Variants in CADM1 observed in about 807,000 individuals in gnomAD.
The protein encoded by CADM1 is TSLC-1.
In CADM1, 15 loss-of-function variants were observed where a neutral mutation model predicts 53.1. The ratio of observed to expected loss-of-function variants is 0.28; its 90% confidence interval spans 0.19 to 0.44. The LOEUF (loss-of-function observed/expected upper bound fraction) is 0.44, where lower values mean the gene tolerates loss of function less well. Ranked by LOEUF, CADM1 falls within the 20% of genes least tolerant of loss-of-function variation. CADM1 has a pLI of 1.00. For missense variants in CADM1, 434 were observed against 611.3 expected, an observed-to-expected ratio of 0.71 and a Z score of 3.06; for synonymous variants, 281 against 243.0, an observed-to-expected ratio of 1.16 and a Z score of -1.45.
chr11:115,311,788 T>C (rs187764074), intron 1 of CADM1, among the ~76,000 whole-genome samples: 5 of 152,212 alleles, frequency 3.3e-5, no homozygotes, highest in Admixed American at 6.6e-5. Context: ...CCAATATACA[T>C]GGTATCTGTA....
At chr11:115,220,247 C>T (rs1003665390) in intron 5 of CADM1, among the ~76,000 whole-genome samples, 1 of 152,080 alleles carries the variant, frequency 6.6e-6, no homozygotes, top group Admixed American at 6.6e-5. Flanking sequence ...ACATGCTCAA[C>T]TTCCATCAAT....
intron 1 of CADM1, among the ~76,000 whole-genome samples, chr11:115,419,508 A>C (rs912967870): frequency 6.6e-6 from 1 of 152,208 alleles, no homozygotes; most frequent in Non-Finnish European, 1.5e-5. Flanking sequence ...AGTTCAAACT[A>C]CATTTAACAA....
chr11:115,185,083 C>G (rs1939481905), intron 10 of CADM1, among the ~76,000 whole-genome samples: 1 of 152,218 alleles, frequency 6.6e-6, no homozygotes, highest in African/African-American at 2.4e-5. Context: ...ACGTACTTCA[C>G]AGGGTCACTT....
intron 1 of CADM1, among the ~76,000 whole-genome samples, chr11:115,443,818 G>A (rs1239375945): frequency 6.6e-6 from 1 of 152,146 alleles, no homozygotes; most frequent in Non-Finnish European, 1.5e-5. Flanking sequence ...CAAATTACTG[G>A]GGAACATGAA....
At chr11:115,278,491 T>C (rs1254258274) in intron 1 of CADM1, among the ~76,000 whole-genome samples, 1 of 152,154 alleles carries the variant, frequency 6.6e-6, no homozygotes, top group African/African-American at 2.4e-5. Flanking sequence ...AGAAGGGCCT[T>C]ATTTTGTCAT....
In CADM1 at chr11:115,364,556, G is replaced by GAAA. The variant is rs34213884; in HGVS notation, c.125-124139_125-124137dup. On this transcript the variant is annotated intron_variant, in intron 1 of 11. Transcript: ENST00000331581. ...GGGGGAAAATATAAAGCACTAGGAA[G>GAAA]AAAAAAAAAAGCCTTTTTGTTTAAC... Among the ~76,000 whole-genome samples the GAAA allele has an allele frequency of 3.3e-4, 49 of 149,782 alleles. No homozygotes were observed. In the South Asian group the frequency reaches 5.7e-3, roughly 17 times the overall value.
intron 1 of CADM1, among the ~76,000 whole-genome samples, chr11:115,412,520 T>A (rs1237874134): frequency 6.6e-6 from 1 of 152,190 alleles, no homozygotes; most frequent in East Asian, 1.9e-4. Context: ...TTTTTAAAAA[T>A]GATTCAAAAT....
chr11:115,477,234 C>A (rs1017561008), intron 1 of CADM1, among the ~76,000 whole-genome samples: 3 of 152,050 alleles, frequency 2.0e-5, no homozygotes, highest in Non-Finnish European at 4.4e-5. Context: ...AGGATAAATA[C>A]ACCATATAAA....
At chr11:115,362,388 A>C (rs1003310792) in intron 1 of CADM1, among the ~76,000 whole-genome samples, 5 of 152,122 alleles carry the variant, frequency 3.3e-5, no homozygotes, top group African/African-American at 1.2e-4. Flanking sequence ...GACAGTTTGT[A>C]TTTTACTTTT....
chr11:115,249,748 T>A (rs990298913), intron 1 of CADM1, among the ~76,000 whole-genome samples: 3 of 152,176 alleles, frequency 2.0e-5, no homozygotes, highest in African/African-American at 7.2e-5. Flanking sequence ...GTAAAAAATA[T>A]AACATTGGCT....
At chr11:115,353,325 C>A (rs1945785146) in intron 1 of CADM1, among the ~76,000 whole-genome samples, 1 of 152,182 alleles carries the variant, frequency 6.6e-6, no homozygotes, top group Non-Finnish European at 1.5e-5. Context: ...TTTACATCTG[C>A]ATTGTCCAAT....
chr11:115,450,296 A>G (rs1948543077), intron 1 of CADM1, among the ~76,000 whole-genome samples: 1 of 152,180 alleles, frequency 6.6e-6, no homozygotes, highest in African/African-American at 2.4e-5. Flanking sequence ...CTTCACTTGC[A>G]TCCAAATCCA....
intron 3 of CADM1, among the ~76,000 whole-genome samples, chr11:115,233,402 G>A (rs1003846306): frequency 1.3e-5 from 2 of 152,192 alleles, no homozygotes; most frequent in Non-Finnish European, 2.9e-5. Context: ...GAAATGGAAT[G>A]ACTTCAACTA....
At chr11:115,186,195 T>G (rs1235833162) in intron 10 of CADM1, among the ~76,000 whole-genome samples, 1 of 152,164 alleles carries the variant, frequency 6.6e-6, no homozygotes, top group Non-Finnish European at 1.5e-5. Flanking sequence ...ATTGATGTGG[T>G]TTAACCTTTT....
Position 115,234,893 on chromosome 11 carries a change from C to CCAAA in CADM1, c.425-3404_425-3403insTTTG, listed in dbSNP as rs1491516911. Among the ~76,000 whole-genome samples the CCAAA allele has an allele frequency of 1.5e-3, 111 of 75,396 alleles. 1 individual carries two copies. Among genetic ancestry groups the CCAAA allele is most frequent in the African/African-American group, 5.9e-3 (110 of 18,782 alleles). 49.5% of individuals were successfully genotyped at this position (75,396 alleles called of 152,430 possible). A position where few individuals can be genotyped will look rare whatever the true frequency, so the allele number is the denominator to read the frequency against. ...GGGCGACACAGGGAGACTCCGTCTC[C>CCAAA]AAAAAAAAAAAAAAAAAAAAAAAAA... On this transcript the variant is annotated intron_variant, in intron 3 of 11. Coordinates refer to ENST00000331581, the MANE Select transcript of CADM1 (RefSeq NM_001301043.2).
intron 1 of CADM1, among the ~76,000 whole-genome samples, chr11:115,466,033 A>G (rs1367811838): frequency 6.6e-6 from 1 of 152,116 alleles, no homozygotes; most frequent in African/African-American, 2.4e-5. Flanking sequence ...TTTTCAGAGA[A>G]TGTTCATTTA....
At chr11:115,226,794 C>CT (rs1464344229) in intron 5 of CADM1, among the ~76,000 whole-genome samples, 1 of 152,268 alleles carries the variant, frequency 6.6e-6, no homozygotes, top group East Asian at 1.9e-4. Context: ...TGCATAGCTG[C>CT]TAGTGTTCAA....
intron 1 of CADM1, among the ~76,000 whole-genome samples, chr11:115,382,479 G>C (rs1004862528): frequency 2.6e-5 from 4 of 152,094 alleles, no homozygotes; most frequent in Non-Finnish European, 5.9e-5. Context: ...TATTCAAGAA[G>C]AACAGTGCTA....
intron 1 of CADM1, chr11:115,377,135 T>C (rs1946459127): frequency 6.6e-6 from 1 of 152,204 alleles, no homozygotes; most frequent in South Asian, 2.1e-4. Flanking sequence ...ATTGACCGTG[T>C]CAGAGTTGTC....
Sources: allele counts gnomAD v4.1 joint callset (sites outside exome capture counted in the v4.1 genomes callset), GRCh38; gene constraint gnomAD v4.1.1; transcripts MANE v1.5; gene names NCBI Gene and HGNC (gene_info 2026-07-23, HGNC 2026-07-21).